The following PRKCA variants were observed in gnomAD, a reference collection of about 807,000 sequenced individuals.
PRKCA encodes the protein protein kinase C alpha type.
PRKCA carries 27 observed loss-of-function variants against 87.0 expected under a neutral mutation model. The ratio of observed to expected loss-of-function variants is 0.31; its 90% CI spans 0.23 to 0.43. The LOEUF is 0.43. Ranked by LOEUF, PRKCA falls within the 20% of genes least tolerant of loss-of-function variation. The pLI, the probability that PRKCA is intolerant of heterozygous loss-of-function variation, is 1.00. For synonymous variants in PRKCA, 329 were observed against 311.1 expected (o/e 1.06, Z -0.61); for missense variants, 518 against 852.3 (o/e 0.61, Z 4.88).
rs115785751 is a variant in PRKCA, at chr17:66,744,866, A to G, written c.1524+2106A>G. ...GCCATCCATGCCTTTTCCAACATCA[A>G]GAGGCCACCACCTGCATTCCTTGGT... On this transcript the variant is annotated intron_variant, in intron 13 of 16. Coordinates refer to ENST00000413366, the MANE Select transcript of PRKCA (RefSeq NM_002737.3). Among the ~76,000 whole-genome samples the G allele has an allele frequency of 5.7e-3, 868 of 152,272 alleles. 13 individuals carry two copies. The highest frequency in any genetic ancestry group is 0.02 in the African/African-American group (815 of 41,544).
At chr17:66,307,677 G>A (rs998569349) in intron 2 of PRKCA, among the ~76,000 whole-genome samples, 3 of 152,092 alleles carry the variant, frequency 2.0e-5, no homozygotes, top group Non-Finnish European at 4.4e-5. Context: ...CACAGTGGCC[G>A]TATTACTAGG....
chr17:66,311,705 AG>A (rs754173563), intron 2 of PRKCA, among the ~76,000 whole-genome samples: 52 of 152,218 alleles, frequency 3.4e-4, no homozygotes, highest in Admixed American at 1.8e-3. Flanking sequence ...ACTTAGAAGT[AG>A]GGATGGTTAG....
chr17:66,332,274 C>T (rs1448670116), intron 2 of PRKCA, among the ~76,000 whole-genome samples: 4 of 145,278 alleles, frequency 2.8e-5, no homozygotes, highest in Admixed American at 7.2e-5. Context: ...GTTGCCCAGG[C>T]TGGAGTGCAG....
intron 5 of PRKCA, among the ~76,000 whole-genome samples, chr17:66,679,026 T>C (rs1972414985): frequency 6.6e-6 from 1 of 152,144 alleles, no homozygotes; most frequent in African/African-American, 2.4e-5. Flanking sequence ...GGTCACTGGG[T>C]ACATCATGGT....
intron 2 of PRKCA, among the ~76,000 whole-genome samples, chr17:66,385,393 T>C (rs1910003016): frequency 6.6e-6 from 1 of 152,238 alleles, no homozygotes; most frequent in Non-Finnish European, 1.5e-5. Context: ...AGCCTGGTAT[T>C]AGTTCTAAAT....
intron 3 of PRKCA, among the ~76,000 whole-genome samples, chr17:66,517,891 C>T (rs146091724): frequency 3.9e-4 from 59 of 152,224 alleles, no homozygotes; most frequent in African/African-American, 1.4e-3. Flanking sequence ...TGTTGATGAC[C>T]ATAACGTGGA....
intron 2 of PRKCA, among the ~76,000 whole-genome samples, chr17:66,437,600 A>ACCTG (rs2050929574): frequency 6.6e-6 from 1 of 152,018 alleles, no homozygotes. Context: ...GAGCCAGAGG[A>ACCTG]CCTGCCTGCT....
intron 3 of PRKCA, among the ~76,000 whole-genome samples, chr17:66,577,735 A>G (rs1471392891): frequency 6.6e-6 from 1 of 152,246 alleles, no homozygotes; most frequent in African/African-American, 2.4e-5. Flanking sequence ...ATTTAGAGCT[A>G]AAGGAGAGGT....
At chr17:66,636,067 G>A (rs1294294429) in intron 3 of PRKCA, among the ~76,000 whole-genome samples, 1 of 152,068 alleles carries the variant, frequency 6.6e-6, no homozygotes, top group Non-Finnish European at 1.5e-5. Flanking sequence ...AGCATCCTTA[G>A]GCACCACCTG....
chr17:66,784,445 C>A (rs1975327611), intron 14 of PRKCA, among the ~76,000 whole-genome samples: 2 of 152,176 alleles, frequency 1.3e-5, no homozygotes, highest in African/African-American at 2.4e-5. Flanking sequence ...TGAAGTTTCG[C>A]TGTGTTGGCC....
chr17:66,329,928 TTC>T (rs1171541249), intron 2 of PRKCA, among the ~76,000 whole-genome samples: 4 of 152,140 alleles, frequency 2.6e-5, no homozygotes, highest in Non-Finnish European at 5.9e-5. Flanking sequence ...GTGAATCGTG[TTC>T]TCTCTCTTTA....
At chr17:66,448,112 G>A (rs1290369316) in intron 2 of PRKCA, among the ~76,000 whole-genome samples, 2 of 152,274 alleles carry the variant, frequency 1.3e-5, no homozygotes, top group East Asian at 3.9e-4. Flanking sequence ...GAATAGAATC[G>A]TGGTGAAAGA....
At chr17:66,737,582 T>A (rs909690323) in intron 10 of PRKCA, among the ~76,000 whole-genome samples, 16 of 152,254 alleles carry the variant, frequency 1.1e-4, no homozygotes, top group African/African-American at 3.1e-4. Flanking sequence ...CTCTCAGTGC[T>A]TTTGTGTTTT....
At chr17:66,465,513 T>C (rs1009637908) in intron 2 of PRKCA, among the ~76,000 whole-genome samples, 4 of 152,018 alleles carry the variant, frequency 2.6e-5, no homozygotes, top group African/African-American at 9.7e-5. Flanking sequence ...CACCTCAGTC[T>C]CCTGAGTAGC....
chr17:66,767,639 C>T (rs1313959021), intron 13 of PRKCA, among the ~76,000 whole-genome samples: 1 of 152,202 alleles, frequency 6.6e-6, no homozygotes, highest in Non-Finnish European at 1.5e-5. Context: ...TTACTGCTCA[C>T]ACACAGTCTG....
At chr17:66,368,008 T>C (rs1417626615) in intron 2 of PRKCA, among the ~76,000 whole-genome samples, 1 of 152,172 alleles carries the variant, frequency 6.6e-6, no homozygotes, top group Admixed American at 6.5e-5. Context: ...ATGAGTAACA[T>C]CACATCACCA....
intron 2 of PRKCA, among the ~76,000 whole-genome samples, chr17:66,424,598 C>CACACACACACACACAT (rs1051866560): frequency 6.6e-6 from 1 of 150,514 alleles, no homozygotes; most frequent in Non-Finnish European, 1.5e-5. Flanking sequence ...CACACACACA[C>CACACACACACACACAT]ATCTTTGAAG....
At chr17:66,456,624 G>A (rs889010990) in intron 2 of PRKCA, among the ~76,000 whole-genome samples, 4 of 152,186 alleles carry the variant, frequency 2.6e-5, no homozygotes, top group Non-Finnish European at 1.5e-5. Context: ...GTTCTGTGCT[G>A]CTTCCAGCTC....
At chr17:66,446,722 A>G (rs1379596021) in intron 2 of PRKCA, among the ~76,000 whole-genome samples, 1 of 152,174 alleles carries the variant, frequency 6.6e-6, no homozygotes, top group Non-Finnish European at 1.5e-5. Context: ...ACTCAACGTC[A>G]GGAAGCTGAG....
Sources: allele counts gnomAD v4.1 joint callset (sites outside exome capture counted in the v4.1 genomes callset), GRCh38; gene constraint gnomAD v4.1.1; transcripts MANE v1.5; gene names NCBI Gene and HGNC (gene_info 2026-07-23, HGNC 2026-07-21).